LRP11: variants seen among roughly 807,000 people sequenced by gnomAD.
The protein encoded by LRP11 is low-density lipoprotein receptor-related protein 11.
Under a neutral mutation model 43.1 loss-of-function variants are expected in LRP11, and 25 were observed. The observed-to-expected ratio is 0.58, with a 90% CI of 0.42 to 0.81. The LOEUF (loss-of-function observed/expected upper bound fraction) is 0.81. Ranked by LOEUF, LRP11 falls within the 30% of genes least tolerant of loss-of-function variation. The probability of loss-of-function intolerance (pLI) is 0.00; values close to 1 mark genes in which losing one functional copy is unlikely to be tolerated. For missense variants in LRP11, 623 were observed against 665.1 expected (o/e 0.94, Z 0.70); for synonymous variants, 316 against 299.4 (o/e 1.06, Z -0.57).
intron 1 of LRP11, among the ~76,000 whole-genome samples, chr6:149,861,682 T>G (rs1439198211): frequency 6.6e-6 from 1 of 151,940 alleles, no homozygotes; most frequent in Non-Finnish European, 1.5e-5. Flanking sequence ...CCAGGATAAT[T>G]TTTGTGTTTA....
rs1328987333 is a variant in LRP11, at chr6:149,827,848, C to G, written c.1253-1489G>C. On this transcript the variant is annotated intron_variant, in intron 5 of 6. Transcript: ENST00000239367. This position sits in a 1 kb window ranked among gnomAD's most constrained non-coding sequence, Gnocchi z 4.2. ...TCATGCCTGGCCAACATGGCAAAAC[C>G]CTGTCTCTACTTAAAATACAAAAAA... 2.0e-5 allele frequency among the ~76,000 whole-genome samples: 3 copies of G among 152,236 alleles called. No individual in the cohort carries two copies. The East Asian group carries it at 5.8e-4, about 29-fold the overall frequency.
chr6:149,841,115 G>A (rs75531117), intron 3 of LRP11, among the ~76,000 whole-genome samples: 5,486 of 152,142 alleles, frequency 0.036, 347 homozygotes, highest in African/African-American at 0.12. Flanking sequence ...TTTTAATGCC[G>A]CCTATGAAAA....
chr6:149,855,699 T>C (rs77322632), intron 1 of LRP11, among the ~76,000 whole-genome samples: 1 of 59,088 alleles, frequency 1.7e-5, no homozygotes, highest in African/African-American at 5.8e-5. Flanking sequence ...GAAGATGCCT[T>C]TTTTTTTTTT....
intron 3 of LRP11, among the ~76,000 whole-genome samples, chr6:149,839,750 G>C (rs1180963625): frequency 6.6e-6 from 1 of 152,118 alleles, no homozygotes; most frequent in African/African-American, 2.4e-5. Context: ...CAGCTCCCAG[G>C]CTCAACTGAC....
chr6:149,859,396 A>ATATATATATATATATTTTT, intron 1 of LRP11, among the ~76,000 whole-genome samples: 4 of 71,494 alleles, frequency 5.6e-5, no homozygotes, highest in African/African-American at 1.6e-4. Context: ...ATATATATAT[A>ATATATATATATATATTTTT]TTTTTTTTTT....
chr6:149,831,152 C>T (rs1179549325), intron 5 of LRP11, among the ~76,000 whole-genome samples: 1 of 152,200 alleles, frequency 6.6e-6, no homozygotes, highest in African/African-American at 2.4e-5. Context: ...TTCCTTTCTT[C>T]TGAATGTATT....
At chr6:149,842,054 C>T (rs1392638926) in intron 3 of LRP11, among the ~76,000 whole-genome samples, 2 of 152,182 alleles carry the variant, frequency 1.3e-5, no homozygotes, top group Non-Finnish European at 2.9e-5. Context: ...ACTGCATCTG[C>T]GTAAAGTGTC....
At chr6:149,835,526 TGA>T (rs1326909127) in intron 5 of LRP11, among the ~76,000 whole-genome samples, 1 of 152,168 alleles carries the variant, frequency 6.6e-6, no homozygotes, top group African/African-American at 2.4e-5. Context: ...GAGGATCATG[TGA>T]GTTTGGGAGG....
Position 149,837,453 on chromosome 6 carries a change from G to T in LRP11, c.924C>A (p.His308Gln), listed in dbSNP as rs1284476787. 11 of 1,613,904 alleles carry T rather than the reference G, an allele frequency of 6.8e-6. No homozygotes were observed. The highest frequency in any genetic ancestry group is 1.3e-5 in the African/African-American group (1 of 75,038). The change falls in exon 4 of 7, where the codon CAC becomes CAA. Residue 308 changes from histidine to glutamine, a missense_variant. His to Gln is a conservative substitution (Grantham distance 24). Transcript: ENST00000239367. ...RAAYSTGGCL[H>Q]TCSRYHFFCD... ...AGAAGAAGTGGTAGCGTGAGCAAGTGTGCAAACATCCTATTTGTAAACAAA... is the reference window on the plus strand; with the variant it reads ...AGAAGAAGTGGTAGCGTGAGCAAGTTTGCAAACATCCTATTTGTAAACAAA...
Position 149,820,557 on chromosome 6 carries a change from ACATC to A in LRP11, c.1491_1494del (p.Met498IlefsTer18). On this transcript the variant is annotated frameshift_variant, in exon 7 of 7. Coordinates refer to ENST00000239367, the MANE Select transcript of LRP11 (RefSeq NM_032832.6). ...GTATTGAAATTACATTACTATAGAT[ACATC>A]CCATTTATGAGGTAGTCCGATTCCT... The A allele has an allele frequency of 1.3e-6, 1 of 780,900 alleles. No individual in the cohort carries two copies. The highest frequency in any genetic ancestry group is 1.7e-5 in the African/African-American group (1 of 59,274). The allele number at this position is 780,900 out of a possible 1,614,324, so 48.4% of individuals were successfully genotyped here. A position where few individuals can be genotyped will look rare whatever the true frequency, so the allele number is the denominator to read the frequency against.
At position 149,863,559 on chromosome 6, in the gene LRP11, C is replaced by CG; in HGVS notation, c.461dup (p.Ala155GlyfsTer58). On this transcript the variant is annotated frameshift_variant, in exon 1 of 7. Coordinates refer to ENST00000239367, the MANE Select transcript of LRP11 (RefSeq NM_032832.6). LOFTEE classifies it high-confidence loss of function. ...AGAGGTAGCAGCCGAGCACGGCTGC[C>CG]GGGGGCGCGGGGCGCCGGGGCAGCT... 3 of 1,376,504 alleles carry CG rather than the reference C, an allele frequency of 2.2e-6. No individual in the cohort carries two copies. Among genetic ancestry groups the CG allele is most frequent in the Admixed American group, 3.5e-5 (1 of 28,934 alleles). 85.3% of individuals were successfully genotyped at this position (1,376,504 alleles called of 1,614,324 possible).
intron 1 of LRP11, among the ~76,000 whole-genome samples, chr6:149,858,294 G>A (rs770269441): frequency 3.9e-5 from 6 of 152,128 alleles, no homozygotes; most frequent in South Asian, 4.1e-4. Context: ...GAGAATATGC[G>A]GTGTTTGGTT....
chr6:149,825,335 T>G (rs184031114), intron 6 of LRP11, among the ~76,000 whole-genome samples: 1 of 152,308 alleles, frequency 6.6e-6, no homozygotes, highest in East Asian at 1.9e-4. Flanking sequence ...TAGTAAATAT[T>G]CTACTTCCTA....
At chr6:149,825,164 T>C (rs72995576) in intron 6 of LRP11, among the ~76,000 whole-genome samples, 4,061 of 152,332 alleles carry the variant, frequency 0.027, 76 homozygotes, top group Non-Finnish European at 0.041. Flanking sequence ...GTTTTCTCAA[T>C]GTTTATAACT....
chr6:149,852,962 C>T (rs1776743710), intron 2 of LRP11, 41 bp downstream of exon 2: 1 of 1,532,680 alleles, frequency 6.5e-7, no homozygotes, highest in Non-Finnish European at 8.8e-7. Context: ...GACCACTTCA[C>T]TGAAATACTC....
chr6:149,841,457 C>T (rs1776546101), intron 3 of LRP11, among the ~76,000 whole-genome samples: 2 of 152,258 alleles, frequency 1.3e-5, no homozygotes, highest in South Asian at 2.1e-4. Flanking sequence ...ACACGATGAC[C>T]GAGTAACAGG....
At chr6:149,857,565 C>T (rs1174426429) in intron 1 of LRP11, among the ~76,000 whole-genome samples, 1 of 151,868 alleles carries the variant, frequency 6.6e-6, no homozygotes, top group Non-Finnish European at 1.5e-5. Flanking sequence ...CCAAATAAGC[C>T]CCTTTCTTGC....
In LRP11 at chr6:149,863,537, G is replaced by A; in HGVS notation, c.484C>T (p.Leu162Phe). 4.4e-6 allele frequency: 6 copies of A among 1,363,390 alleles called. No individual in the cohort carries two copies. Among genetic ancestry groups the A allele is most frequent in the Non-Finnish European group, 5.6e-6 (6 of 1,067,538 alleles). The allele number at this position is 1,363,390 out of a possible 1,614,324, so 84.5% of individuals were successfully genotyped here. The change falls in exon 1 of 7, where the codon CTC (leucine) becomes TTC (phenylalanine). Residue 162 changes from leucine to phenylalanine, a missense_variant. Transcript: ENST00000239367. ...CGGCCGCGCGCCGTGCAGTTGAAGA[G>A]GTAGCAGCCGAGCACGGCTGCCGGG... is the stretch of plus-strand genomic sequence containing the variant. The part of the protein sequence containing the change: ...APPAAVLGCY[L>F]FNCTARGRNV...
At chr6:149,833,226 C>T (rs1431465603) in intron 5 of LRP11, among the ~76,000 whole-genome samples, 3 of 152,186 alleles carry the variant, frequency 2.0e-5, no homozygotes, top group African/African-American at 4.8e-5. Context: ...CGTGAGCCAC[C>T]GTGCCCGGCC....
Sources: allele counts gnomAD v4.1 joint callset (sites outside exome capture counted in the v4.1 genomes callset), GRCh38; gene constraint gnomAD v4.1.1; non-coding constraint Gnocchi (gnomAD v3.1); transcripts MANE v1.5; gene names NCBI Gene and HGNC (gene_info 2026-07-23, HGNC 2026-07-21).